TASP1: variants seen among roughly 807,000 people sequenced by gnomAD.
TASP1 encodes the protein threonine aspartase 1.
A neutral mutation model predicts 56.6 loss-of-function variants in TASP1; 16 were observed. The observed-to-expected ratio is 0.28, with a 90% CI of 0.19 to 0.43. The LOEUF (loss-of-function observed/expected upper bound fraction) is 0.43. Ranked by LOEUF, TASP1 falls within the 20% of genes least tolerant of loss-of-function variation. The pLI, the probability that TASP1 is intolerant of heterozygous loss-of-function variation, is 1.00. For missense variants in TASP1, 393 were observed against 511.6 expected (o/e 0.77, Z 2.24); for synonymous variants, 179 against 184.2 (o/e 0.97, Z 0.23).
intron 11 of TASP1, among the ~76,000 whole-genome samples, chr20:13,452,194 T>C (rs1009260352): frequency 1.3e-5 from 2 of 152,046 alleles, no homozygotes; most frequent in Non-Finnish European, 1.5e-5. Flanking sequence ...AAATGTGACA[T>C]AGAAATACAA....
chr20:13,126,461 C>A, the TASP1 span: 1 of 1,050,166 alleles, frequency 9.5e-7, no homozygotes, highest in Non-Finnish European at 1.3e-6. Flanking sequence ...GAAAGTTGGA[C>A]CCCATTCATC....
chr20:13,525,894 A>T (rs989421647), intron 10 of TASP1, among the ~76,000 whole-genome samples: 1 of 152,186 alleles, frequency 6.6e-6, no homozygotes, highest in African/African-American at 2.4e-5. Context: ...AGAGTATAAC[A>T]TGACAAGTTG....
chr20:13,419,003 T>C (rs2042351154), intron 12 of TASP1, among the ~76,000 whole-genome samples: 1 of 152,224 alleles, frequency 6.6e-6, no homozygotes, highest in Admixed American at 6.5e-5. Flanking sequence ...TTCTGGATTG[T>C]ACCCTGGACT....
intron 8 of TASP1, among the ~76,000 whole-genome samples, chr20:13,556,653 A>G (rs1188137450): frequency 6.6e-6 from 1 of 152,174 alleles, no homozygotes; most frequent in East Asian, 1.9e-4. Context: ...CTGATTTGGC[A>G]CACTGACTCT....
At chr20:13,155,842 A>G in the TASP1 span, among the ~76,000 whole-genome samples, 1 of 152,212 alleles carries the variant, frequency 6.6e-6, no homozygotes, top group South Asian at 2.1e-4. Flanking sequence ...TAATAATAAT[A>G]ATAAGTTTTT....
At chr20:13,310,711 C>T in the TASP1 span, among the ~76,000 whole-genome samples, 2 of 152,114 alleles carry the variant, frequency 1.3e-5, no homozygotes, top group African/African-American at 4.8e-5. Flanking sequence ...AAAACTCAAA[C>T]AACTTAACAG....
chr20:13,638,173 G>C (rs1239101781), intron 1 of TASP1, among the ~76,000 whole-genome samples: 1 of 152,064 alleles, frequency 6.6e-6, no homozygotes, highest in Non-Finnish European at 1.5e-5. Context: ...CAACAAAAAA[G>C]ATAAATTATT....
chr20:13,415,821 G>A (rs1022747862), intron 13 of TASP1, among the ~76,000 whole-genome samples: 1 of 152,168 alleles, frequency 6.6e-6, no homozygotes, highest in Non-Finnish European at 1.5e-5. Flanking sequence ...ACTGGCTTCA[G>A]TGCTGACGTC....
the TASP1 span, among the ~76,000 whole-genome samples, chr20:13,137,713 T>C: frequency 6.6e-6 from 1 of 152,200 alleles, no homozygotes; most frequent in African/African-American, 2.4e-5. Flanking sequence ...CAGCTGTTGC[T>C]GATTAAATTG....
chr20:13,283,937 A>C, the TASP1 span, among the ~76,000 whole-genome samples: 2 of 152,222 alleles, frequency 1.3e-5, no homozygotes, highest in African/African-American at 4.8e-5. Context: ...CGTGGGCCAG[A>C]ATCAAAACTG....
intron 11 of TASP1, among the ~76,000 whole-genome samples, chr20:13,460,469 T>C (rs1315445838): frequency 2.6e-5 from 4 of 152,304 alleles, no homozygotes; most frequent in African/African-American, 4.8e-5. Context: ...CTGCACACCA[T>C]TGATTCTCAA....
At chr20:13,495,563 C>G (rs1380154619) in intron 10 of TASP1, among the ~76,000 whole-genome samples, 1 of 152,044 alleles carries the variant, frequency 6.6e-6, no homozygotes, top group Admixed American at 6.6e-5. Flanking sequence ...TGTCTTACCA[C>G]CAACTAGAAA....
At chr20:13,632,416 C>CATAATT (rs1270921135) in intron 1 of TASP1, among the ~76,000 whole-genome samples, 1 of 148,242 alleles carries the variant, frequency 6.7e-6, no homozygotes, top group African/African-American at 2.5e-5. Flanking sequence ...AAAATACAAA[C>CATAATT]ATAATTATAA....
At chr20:13,380,459 G>A in the TASP1 span, among the ~76,000 whole-genome samples, 14,789 of 152,154 alleles carry the variant, frequency 0.097, 837 homozygotes, top group African/African-American at 0.15. Flanking sequence ...CTTCGTCCCA[G>A]AGGGGCACCC....
chr20:13,407,965 G>C (rs1476668405), intron 13 of TASP1, among the ~76,000 whole-genome samples: 1 of 152,068 alleles, frequency 6.6e-6, no homozygotes, highest in Admixed American at 6.5e-5. Context: ...TCTGGTACAA[G>C]CTCCTCACCA....
chr20:13,538,137 G>T (rs1666047478), intron 8 of TASP1, among the ~76,000 whole-genome samples: 1 of 152,042 alleles, frequency 6.6e-6, no homozygotes, highest in South Asian at 2.1e-4. Flanking sequence ...CGAGTAGGGG[G>T]ATTAAAGGCA....
chr20:13,250,915 A>G, the TASP1 span, among the ~76,000 whole-genome samples: 1 of 152,060 alleles, frequency 6.6e-6, no homozygotes, highest in Admixed American at 6.6e-5. Context: ...GCCCCCATCT[A>G]TTTTACCCTC....
At chr20:13,108,201 T>A in the TASP1 span, among the ~76,000 whole-genome samples, 263 of 152,318 alleles carry the variant, frequency 1.7e-3, 1 homozygote, top group Admixed American at 2.7e-3. Flanking sequence ...CCACTCCAAG[T>A]CATAGGAAGT....
the TASP1 span, among the ~76,000 whole-genome samples, chr20:13,123,684 G>T: frequency 2.0e-5 from 3 of 152,120 alleles, no homozygotes; most frequent in Non-Finnish European, 4.4e-5. Context: ...TCCATTCTAT[G>T]CCCATAAGAT....
Sources: allele counts gnomAD v4.1 joint callset (sites outside exome capture counted in the v4.1 genomes callset), GRCh38; gene constraint gnomAD v4.1.1; transcripts MANE v1.5; gene names NCBI Gene and HGNC (gene_info 2026-07-23, HGNC 2026-07-21).